Variants in RACGAP1 observed in about 807,000 individuals in gnomAD.
RACGAP1 encodes the protein rac GTPase-activating protein 1.
Under a neutral mutation model 78.1 loss-of-function variants are expected in RACGAP1, and 30 were observed. The ratio of observed to expected loss-of-function variants is 0.38; its 90% CI spans 0.29 to 0.52. The LOEUF is 0.52. Among genes scored for constraint, RACGAP1 ranks in the 20% least tolerant of loss-of-function variants. The pLI, the probability that RACGAP1 is intolerant of heterozygous loss-of-function variation, is 0.82. For synonymous variants in RACGAP1, 231 were observed against 264.8 expected (o/e 0.87, Z 1.24); for missense variants, 587 against 777.1 (o/e 0.76, Z 2.91).
At chr12:50,016,501 T>C in intron 2 of RACGAP1, 130 bp downstream of exon 2, 1 of 938,196 alleles carries the variant, frequency 1.1e-6, no homozygotes, top group Non-Finnish European at 1.7e-6. Flanking sequence ...ACCACGTAAG[T>C]GATCACTGCT....
chr12:50,008,624 C>T (rs1422379058), intron 2 of RACGAP1, among the ~76,000 whole-genome samples: 2 of 152,048 alleles, frequency 1.3e-5, no homozygotes, highest in Middle Eastern at 6.3e-3. Context: ...TCCTGAGTAA[C>T]TGGGACTACA....
chr12:50,031,591 C>A (rs1329500682), intron 2 of RACGAP1: 1 of 718,324 alleles, frequency 1.4e-6, no homozygotes, highest in African/African-American at 1.9e-5. Flanking sequence ...CCTCCACGCA[C>A]CTGGCTACCA....
intron 2 of RACGAP1, among the ~76,000 whole-genome samples, chr12:50,012,710 G>A (rs1949423498): frequency 6.6e-6 from 1 of 151,998 alleles, no homozygotes; most frequent in South Asian, 2.1e-4. Flanking sequence ...AGTGAGCTGA[G>A]ATCGTACCAC....
At position 50,021,941 on chromosome 12, in the gene RACGAP1, G is replaced by A. The variant is rs556057781; in HGVS notation, c.-5+3457C>T. On this transcript the variant is annotated intron_variant, in intron 1 of 16. Coordinates refer to ENST00000312377, the MANE Select transcript of RACGAP1 (RefSeq NM_001319999.2). ...ATCGAAAGTCTCTAATACAACTGGCGGACAGAAGGATTATCTTGAAACCAA... is the reference window on the plus strand; with the variant it reads ...ATCGAAAGTCTCTAATACAACTGGCAGACAGAAGGATTATCTTGAAACCAA... Among the ~76,000 whole-genome samples the A allele has an allele frequency of 1.2e-4, 18 of 152,230 alleles. No homozygotes were observed. The East Asian group carries it at 2.7e-3, about 23-fold the overall frequency.
At chr12:50,001,383 T>TTC (rs141524970) in intron 6 of RACGAP1, 131 bp from the exon 7 acceptor site, 100 of 565,892 alleles carry the variant, frequency 1.8e-4, no homozygotes, top group East Asian at 6.1e-4. Flanking sequence ...AAACAATGTG[T>TTC]TCTCTCTCTC....
At position 50,024,088 on chromosome 12, in the gene RACGAP1, G is replaced by C. The variant is rs146524138; in HGVS notation, c.-5+1310C>G. 1.8e-4 allele frequency among the ~76,000 whole-genome samples: 27 copies of C among 152,156 alleles called. No individual in the cohort carries two copies. In the East Asian group the frequency reaches 4.5e-3, roughly 25 times the overall value. On this transcript the variant is annotated intron_variant, in intron 1 of 16. Transcript: ENST00000312377. ...AGGCAGGAGAATGGCGTGAATCCGGGAGGCGGAGCTTGCAGTGAGCCGAGA... is the reference window on the plus strand; with the variant it reads ...AGGCAGGAGAATGGCGTGAATCCGGCAGGCGGAGCTTGCAGTGAGCCGAGA...
intron 1 of RACGAP1, chr12:50,025,179 C>G (rs1425012080): frequency 2.1e-6 from 1 of 471,524 alleles, no homozygotes; most frequent in Non-Finnish European, 2.8e-6. Context: ...CAAAACCCGG[C>G]GCCAAGACAG....
At chr12:50,020,990 A>G (rs6650223) in intron 1 of RACGAP1, 3,964 of 377,758 alleles carry the variant, frequency 0.01, 171 homozygotes, top group African/African-American at 0.082. Flanking sequence ...GATGACAAAA[A>G]TATCTTTCTA....
intron 4 of RACGAP1, 143 bp from the exon 5 acceptor site, chr12:50,004,447 A>C: frequency 5.5e-4 from 729 of 1,337,476 alleles, no homozygotes; most frequent in Non-Finnish European, 6.5e-4. Context: ...TTACAATCTC[A>C]AACCCTGTGG....
intron 1 of RACGAP1, among the ~76,000 whole-genome samples, chr12:50,024,054 G>A (rs1424285215): frequency 6.6e-6 from 1 of 151,862 alleles, no homozygotes; most frequent in Non-Finnish European, 1.5e-5. Flanking sequence ...CCAGCTACTC[G>A]GGAGGCTGAG....
chr12:49,992,680 G>A (rs754540026), intron 12 of RACGAP1, 25 bp from the exon 13 acceptor site: 2 of 1,586,420 alleles, frequency 1.3e-6, no homozygotes, highest in Non-Finnish European at 1.7e-6. Flanking sequence ...AAAGCACCAA[G>A]AGGCCTAGAC....
intron 2 of RACGAP1, among the ~76,000 whole-genome samples, chr12:50,014,590 G>T (rs894313279): frequency 1.3e-5 from 2 of 151,982 alleles, no homozygotes; most frequent in African/African-American, 4.8e-5. Flanking sequence ...TTTGAAACAG[G>T]GTCTCGCTCT....
intron 1 of RACGAP1, among the ~76,000 whole-genome samples, chr12:50,020,273 G>A (rs1367552873): frequency 6.6e-6 from 1 of 151,988 alleles, no homozygotes; most frequent in Non-Finnish European, 1.5e-5. Flanking sequence ...CATTTTCAGG[G>A]TTCGAGTGAT....
upstream of RACGAP1, among the ~76,000 whole-genome samples, chr12:50,028,399 GTC>G (rs1950300087): frequency 2.0e-5 from 3 of 152,162 alleles, no homozygotes; most frequent in African/African-American, 7.2e-5. Context: ...CACTACCCTT[GTC>G]CAATCTGGTA....
At chr12:50,006,687 T>G (rs1332242268) in intron 2 of RACGAP1, 51 bp from the exon 3 acceptor site, 1 of 1,548,780 alleles carries the variant, frequency 6.5e-7, no homozygotes, top group African/African-American at 1.4e-5. Context: ...AGAGTATAAC[T>G]GCTCTAATAA....
intron 6 of RACGAP1, among the ~76,000 whole-genome samples, 157 bp downstream of exon 6, chr12:50,002,090 A>G (rs146563848): frequency 2.0e-5 from 3 of 150,484 alleles, no homozygotes; most frequent in Non-Finnish European, 3.0e-5. Flanking sequence ...AAAAAAAAAA[A>G]GAATATCAAT....
chr12:50,010,556 C>CAAGT (rs756913708), intron 2 of RACGAP1, among the ~76,000 whole-genome samples: 190 of 151,994 alleles, frequency 1.3e-3, no homozygotes, highest in Non-Finnish European at 1.8e-3. Flanking sequence ...AACTCCTGAC[C>CAAGT]AAGTGATCCA....
chr12:50,002,161 A>G, intron 6 of RACGAP1, 86 bp downstream of exon 6: 1 of 992,716 alleles, frequency 1.0e-6, no homozygotes, highest in Non-Finnish European at 1.6e-6. Flanking sequence ...GAGCAACATG[A>G]CAGGAATGCA....
intron 2 of RACGAP1, among the ~76,000 whole-genome samples, chr12:50,015,709 GGAGAATGGC>G (rs1401981438): frequency 6.6e-6 from 1 of 151,806 alleles, no homozygotes; most frequent in Non-Finnish European, 1.5e-5. Context: ...GGCTGAGGCA[GGAGAATGGC>G]GTGAACCCAG....
Sources: gnomAD v4.1 joint callset for allele counts (sites outside exome capture counted in the v4.1 genomes callset) on GRCh38, gnomAD v4.1.1 for gene constraint, MANE v1.5 for transcripts, NCBI Gene and HGNC (gene_info 2026-07-23, HGNC 2026-07-21) for gene names.